SYNE1: variants seen among roughly 807,000 people sequenced by gnomAD.
The protein encoded by SYNE1 is nesprin-1.
A neutral mutation model predicts 1,111.0 loss-of-function variants in SYNE1; 616 were observed. The observed-to-expected ratio is 0.55, with a 90% CI of 0.52 to 0.59. The LOEUF (loss-of-function observed/expected upper bound fraction) is 0.59, where lower values mean the gene tolerates loss of function less well. Ranked by LOEUF, SYNE1 falls within the 20% of genes least tolerant of loss-of-function variation. The pLI is 0.00. For synonymous variants in SYNE1, 3,855 were observed against 3,825.8 expected, an observed-to-expected ratio of 1.01 and a Z score of -0.28; for missense variants, 10,006 against 10,417.0, an observed-to-expected ratio of 0.96 and a Z score of 1.72.
In SYNE1 at chr6:152,159,914, A is replaced by G. The variant is rs150156510; in HGVS notation, c.23791-3817T>C. On this transcript the variant is annotated intron_variant, in intron 131 of 145. Coordinates refer to ENST00000367255, the MANE Select transcript of SYNE1 (RefSeq NM_182961.4). ...CTGACTGAACTCTAATGACTGTTAC[A>G]GTACAACTTAGAGCTAGGGTAATAA... 3.9e-5 allele frequency among the ~76,000 whole-genome samples: 6 copies of G among 152,352 alleles called. No homozygotes were observed. The East Asian group carries it at 1.2e-3, about 29-fold the overall frequency.
At chr6:152,494,174 A>G (rs983062601) in intron 11 of SYNE1, among the ~76,000 whole-genome samples, 1 of 152,136 alleles carries the variant, frequency 6.6e-6, no homozygotes, top group Non-Finnish European at 1.5e-5. Flanking sequence ...ATCACAAGCT[A>G]TGCTCCATTT....
At chr6:152,350,983 T>C (rs1306769058) in intron 70 of SYNE1, among the ~76,000 whole-genome samples, 2 of 152,200 alleles carry the variant, frequency 1.3e-5, no homozygotes, top group Non-Finnish European at 2.9e-5. Context: ...AAATGGCCCT[T>C]CCTATGTGGA....
chr6:152,242,485 G>T, intron 106 of SYNE1, 45 bp from the exon 107 acceptor site: 3 of 1,605,792 alleles, frequency 1.9e-6, no homozygotes, highest in Non-Finnish European at 1.7e-6. Flanking sequence ...TCATATTCTG[G>T]CAACCCTCTA....
At chr6:152,500,366 C>G (rs1162616902) in intron 10 of SYNE1, among the ~76,000 whole-genome samples, 1 of 152,194 alleles carries the variant, frequency 6.6e-6, no homozygotes, top group Non-Finnish European at 1.5e-5. Context: ...GAAACAATTA[C>G]TTTACTAGTA....
intron 13 of SYNE1, among the ~76,000 whole-genome samples, chr6:152,483,803 C>A (rs9479325): frequency 6.6e-6 from 1 of 151,962 alleles, no homozygotes; most frequent in Non-Finnish European, 1.5e-5. Flanking sequence ...TTACCCAATT[C>A]TCAGACACAT....
chr6:152,598,074 T>C lies in SYNE1; in HGVS notation c.67+30191A>G, dbSNP rs184100250. Among the ~76,000 whole-genome samples the C allele has an allele frequency of 3.3e-5, 5 of 152,212 alleles. No individual in the cohort carries two copies. In the East Asian group the frequency reaches 9.7e-4, roughly 29 times the overall value. ...GCCTTAGGGAGAAAAAAGCTCAGGCTCAGATATACAGATTCAGAAACTGAT... is the reference window on the plus strand; with the variant it reads ...GCCTTAGGGAGAAAAAAGCTCAGGCCCAGATATACAGATTCAGAAACTGAT... On this transcript the variant is annotated intron_variant, in intron 3 of 145. Coordinates refer to ENST00000367255, the MANE Select transcript of SYNE1 (RefSeq NM_182961.4).
chr6:152,347,212 A>C lies in SYNE1; in HGVS notation c.11925T>G (p.Gly3975=), dbSNP rs779736505. The C allele has an allele frequency of 6.2e-7, 1 of 1,614,218 alleles. No individual in the cohort carries two copies. The highest frequency in any genetic ancestry group is 2.2e-5 in the East Asian group (1 of 44,884). ...GAAGATTGTTCAAACGGTCTTCAAA[A>C]CCAGCAATTTCTTCCATCATTGCCT... ...HHKAMMEEIA[G]FEDRLNNLQM... The change falls in exon 73 of 146, where the codon GGT becomes GGG. Residue 3975 remains glycine (G), a synonymous_variant. Coordinates refer to ENST00000367255, the MANE Select transcript of SYNE1 (RefSeq NM_182961.4).
In SYNE1 at chr6:152,207,989, G is replaced by C. The variant is rs372246112; in HGVS notation, c.22807C>G (p.Leu7603Val). The C allele has an allele frequency of 7.4e-6, 12 of 1,614,136 alleles. 1 individual carries two copies. The African/African-American group carries it at 1.6e-4, about 22-fold the overall frequency. ...CATCTTACCTGCACTTCATCAAAGA[G>C]GGTCCTTGCTTGTTGCAGTGGTATA... ...VPIPLQQARTLFDEVQFKEKV... is the reference protein window; with the variant it reads ...VPIPLQQARTVFDEVQFKEKV... Residue 7603 changes from leucine to valine, a missense_variant, in exon 125 of 146, where the codon CTC becomes GTC. Transcript: ENST00000367255.
intron 3 of SYNE1, among the ~76,000 whole-genome samples, chr6:152,604,785 CAAAAAAT>C (rs1399677755): frequency 5.3e-5 from 8 of 150,326 alleles, no homozygotes; most frequent in African/African-American, 9.8e-5. Context: ...ACTGTCCCTA[CAAAAAAT>C]AAAAAATAAA....
chr6:152,517,207 T>C (rs2099116531), intron 6 of SYNE1, among the ~76,000 whole-genome samples: 1 of 152,254 alleles, frequency 6.6e-6, no homozygotes, highest in African/African-American at 2.4e-5. Flanking sequence ...GTTCCTGTCT[T>C]ATAGAAAGTC....
intron 20 of SYNE1, 133 bp from the exon 21 acceptor site, chr6:152,461,873 T>A (rs1414981764): frequency 8.6e-7 from 1 of 1,168,518 alleles, no homozygotes; most frequent in East Asian, 2.5e-5. Context: ...TTTCGACGAT[T>A]CCAGTTTTTG....
intron 91 of SYNE1, among the ~76,000 whole-genome samples, chr6:152,305,521 C>T (rs1012699708): frequency 1.3e-5 from 2 of 152,048 alleles, no homozygotes; most frequent in Non-Finnish European, 2.9e-5. Flanking sequence ...CCTTGGCCTC[C>T]GAAAAGTACT....
At chr6:152,368,373 T>C (rs1011177792) in intron 61 of SYNE1, 18 of 153,830 alleles carry the variant, frequency 1.2e-4, no homozygotes, top group African/African-American at 4.3e-4. Context: ...ATTTATTTTC[T>C]TCTAAGCTAT....
intron 5 of SYNE1, among the ~76,000 whole-genome samples, chr6:152,520,924 A>G (rs2099135815): frequency 2.0e-5 from 3 of 152,142 alleles, no homozygotes; most frequent in African/African-American, 7.2e-5. Flanking sequence ...ACACACCCAG[A>G]ACCTGCAACC....
chr6:152,333,625 C>G (rs560472350), intron 77 of SYNE1, among the ~76,000 whole-genome samples: 2 of 151,918 alleles, frequency 1.3e-5, no homozygotes, highest in East Asian at 3.9e-4. Flanking sequence ...AGATGTTATA[C>G]CTAAGACATT....
At chr6:152,467,863 T>C (rs529637071) in intron 16 of SYNE1, among the ~76,000 whole-genome samples, 69 of 152,266 alleles carry the variant, frequency 4.5e-4, no homozygotes, top group African/African-American at 1.6e-3. Flanking sequence ...ATGGAGTAAA[T>C]GCATTTAGCA....
intron 123 of SYNE1, among the ~76,000 whole-genome samples, chr6:152,212,203 C>T (rs1372450219): frequency 2.0e-5 from 3 of 152,186 alleles, no homozygotes; most frequent in African/African-American, 7.2e-5. Context: ...ACAGACTTTA[C>T]AATCATTACC....
In SYNE1 at chr6:152,511,009, A is replaced by C; in HGVS notation, c.402+2T>G. On this transcript the variant is annotated splice_donor_variant, in intron 7 of 145. Coordinates refer to ENST00000367255, the MANE Select transcript of SYNE1 (RefSeq NM_182961.4). LOFTEE classifies it high-confidence loss of function. ...ACTGAAAGAGGAACTGTAGCACAAT[A>C]CCTGGAAATATAGAATAATGGTCCA... 1 of 1,613,202 alleles carries C rather than the reference A, an allele frequency of 6.2e-7. No homozygotes were observed. The highest frequency in any genetic ancestry group is 8.5e-7 in the Non-Finnish European group (1 of 1,179,166).
intron 3 of SYNE1, among the ~76,000 whole-genome samples, chr6:152,553,231 A>G (rs752005992): frequency 6.6e-6 from 1 of 152,066 alleles, no homozygotes; most frequent in Non-Finnish European, 1.5e-5. Flanking sequence ...TATCTGTCTG[A>G]CTCAAAAGCC....
Sources: allele counts gnomAD v4.1 joint callset (sites outside exome capture counted in the v4.1 genomes callset), GRCh38; gene constraint gnomAD v4.1.1; transcripts MANE v1.5; gene names NCBI Gene and HGNC (gene_info 2026-07-23, HGNC 2026-07-21).